The following NPHP3 variants were observed in gnomAD, a reference collection of about 807,000 sequenced individuals.
NPHP3 encodes the protein nephrocystin-3.
Under a neutral mutation model 171.9 loss-of-function variants are expected in NPHP3, and 123 were observed. The ratio of observed to expected loss-of-function variants is 0.72; its 90% CI spans 0.62 to 0.83. NPHP3 has a LOEUF of 0.83. NPHP3 is among the 40% of genes least tolerant of loss of function. NPHP3 has a pLI of 0.00. For synonymous variants in NPHP3, 558 were observed against 579.2 expected, an observed-to-expected ratio of 0.96 and a Z score of 0.52; for missense variants, 1,506 against 1,591.9, an observed-to-expected ratio of 0.95 and a Z score of 0.92.
In NPHP3 at chr3:132,690,625, C is replaced by CA. The variant is rs1299274780; in HGVS notation, c.2595dup (p.Ala866CysfsTer3). On this transcript the variant is annotated frameshift_variant, in exon 19 of 27. Coordinates refer to ENST00000337331, the MANE Select transcript of NPHP3 (RefSeq NM_153240.5). LOFTEE classifies it high-confidence loss of function. ...TGAAAAAGCCACGGGAGTTCATCTG[C>CA]ACTTCTCCAAGTCACTCTGTCCTGA... 1 of 1,613,664 alleles carries CA rather than the reference C, an allele frequency of 6.2e-7. No homozygotes were observed. The highest frequency in any genetic ancestry group is 8.5e-7 in the Non-Finnish European group (1 of 1,179,772).
Position 132,722,276 on chromosome 3 carries a change from G to A in NPHP3, c.80C>T (p.Ala27Val). ...CTTCACCTCCACCGGGATCTCGCAG[G>A]CCTCGCCGCCGCCCGCCCCGTACGT... ...EDTYGAGGGE[A>V]CEIPVEVKPK... Residue 27 changes from alanine (A) to valine (V), a missense_variant, in exon 1 of 27, where the codon GCC (alanine) becomes GTC (valine). Physicochemically the swap from Ala to Val is moderately conservative, Grantham distance 64. Transcript: ENST00000337331. The A allele has an allele frequency of 6.3e-6, 10 of 1,577,916 alleles. No homozygotes were observed. The highest frequency in any genetic ancestry group is 7.7e-6 in the Non-Finnish European group (9 of 1,171,104).
rs200961643 is a variant in NPHP3 at position 132,682,251 on chromosome 3, T to TA, written c.3813-162_3813-161insT. The TA allele has an allele frequency of 4.7e-4, 306 of 651,644 alleles. 1 individual carries two copies. Among genetic ancestry groups the TA allele is most frequent in the African/African-American group, 4.0e-3 (221 of 54,966 alleles). The allele number at this position is 651,644 out of a possible 1,614,324, so 40.4% of individuals were successfully genotyped here. A position where few individuals can be genotyped will look rare whatever the true frequency, so the allele number is the denominator to read the frequency against. On this transcript the variant is annotated intron_variant, in intron 26 of 26. Transcript: ENST00000337331. The stretch of plus-strand genomic sequence containing the variant: ...CAGACCAGTAAAACAACACCCAAAC[T>TA]CTTCTCCTTTCTACCAGTATCAGTA...
chr3:132,686,349 TA>T lies in NPHP3; in HGVS notation c.3239del (p.Leu1080Ter). On this transcript the variant is annotated frameshift_variant, in exon 23 of 27. Transcript: ENST00000337331. LOFTEE classifies it high-confidence loss of function. Reference sequence around the variant, plus strand: ...TGTCCTTACCTAATGTAAGCTCTTCTAACTGTAAAGCCCGTCTACGTAAAAG... The same window carrying T: ...TGTCCTTACCTAATGTAAGCTCTTCTACTGTAAAGCCCGTCTACGTAAAAG... ...FALLRRRALQ[L>X]EELTLGKDTP... The T allele has an allele frequency of 1.2e-6, 2 of 1,614,128 alleles. No individual in the cohort carries two copies. The highest frequency in any genetic ancestry group is 1.7e-6 in the Non-Finnish European group (2 of 1,179,976).
rs1195360790 is a variant in NPHP3, at chr3:132,690,639, A to T, written c.2582T>A (p.Val861Glu). The T allele has an allele frequency of 6.2e-7, 1 of 1,613,796 alleles. No homozygotes were observed. Among genetic ancestry groups the T allele is most frequent in the Admixed American group, 1.7e-5 (1 of 60,010 alleles). The change falls in exon 19 of 27, where the codon GTG becomes GAG. Residue 861 changes from valine to glutamate, a missense_variant. By Grantham distance (121) the Val-to-Glu change is moderately radical. Around this residue, in one of 3 missense-constraint regions of NPHP3, gnomAD observed 569 missense variants for 648.1 expected, o/e 0.88. Coordinates refer to ENST00000337331, the MANE Select transcript of NPHP3 (RefSeq NM_153240.5). ...GAGTTCATCTGCACTTCTCCAAGTC[A>T]CTCTGTCCTGACTATCAAAAGAGAG... is the stretch of plus-strand genomic sequence containing the variant. ...YFTLQLSQDR[V>E]TWRSADELPW...
At chr3:132,701,578 T>A in intron 9 of NPHP3, 45 bp from the exon 10 acceptor site, 1 of 1,177,350 alleles carries the variant, frequency 8.5e-7, no homozygotes, top group Non-Finnish European at 1.3e-6. Flanking sequence ...CACATGCCTC[T>A]GAGACTACTG....
rs113281144 is a variant in NPHP3, at chr3:132,689,328, C to T, written c.2694-65G>A. 470 of 1,526,990 alleles carry T rather than the reference C, an allele frequency of 3.1e-4. 4 individuals are homozygous for T. In the African/African-American group the frequency reaches 4.7e-3, roughly 15 times the overall value. 94.6% of individuals were successfully genotyped at this position (1,526,990 alleles called of 1,614,324 possible). A position where few individuals can be genotyped will look rare whatever the true frequency, so the allele number is the denominator to read the frequency against. On this transcript the variant is annotated intron_variant, in intron 19 of 26. Coordinates refer to ENST00000337331, the MANE Select transcript of NPHP3 (RefSeq NM_153240.5). ...TTTAAAATCCATTACAGAATCAAAA[C>T]TCCAGAATTAATATCAAGTTATTGA...
At position 132,689,176 on chromosome 3, in the gene NPHP3, C is replaced by T. The variant is rs781641225; in HGVS notation, c.2781G>A (p.Lys927=). ...AMATEYFDSL[K]QYEKNCEGED... is the part of the protein sequence containing the mutation. ...CGCCTTCGCAGTTTTTCTCATACTG[C>T]TTCAATGAATCGAAGTATTCTGTTG... The change falls in exon 20 of 27, where the codon AAG becomes AAA. Residue 927 remains lysine, a synonymous_variant. Coordinates refer to ENST00000337331, the MANE Select transcript of NPHP3 (RefSeq NM_153240.5). 2 of 1,614,010 alleles carry T rather than the reference C, an allele frequency of 1.2e-6. No individual in the cohort carries two copies. Among genetic ancestry groups the T allele is most frequent in the African/African-American group, 2.7e-5 (2 of 74,916 alleles).
At chr3:132,719,499 C>G (rs572468613) in intron 2 of NPHP3, among the ~76,000 whole-genome samples, 1 of 152,150 alleles carries the variant, frequency 6.6e-6, no homozygotes, top group Non-Finnish European at 1.5e-5. Context: ...TTAAAATGTT[C>G]ACTTTCATAC....
chr3:132,701,621 C>T (rs772922231), intron 9 of NPHP3, 88 bp from the exon 10 acceptor site: 7 of 866,378 alleles, frequency 8.1e-6, no homozygotes, highest in East Asian at 5.1e-5. Flanking sequence ...TTTGAAAATA[C>T]TGGAGAAAAG....
At chr3:132,698,228 C>T (rs1939507795) in intron 13 of NPHP3, among the ~76,000 whole-genome samples, 1 of 152,082 alleles carries the variant, frequency 6.6e-6, no homozygotes, top group Non-Finnish European at 1.5e-5. Context: ...ATCCACCCGC[C>T]TCGGCCTCCC....
In NPHP3 at chr3:132,692,760, A is replaced by G. The variant is rs398124546; in HGVS notation, c.2369T>C (p.Leu790Pro). The G allele has an allele frequency of 3.1e-6, 5 of 1,614,024 alleles. No individual in the cohort carries two copies. The East Asian group carries it at 1.1e-4, about 36-fold the overall frequency. ...GAAAGTCCAGGACATCTCAGGATAGAGTTCCATCAGTTCTGATTCACTCAC... is the reference window on the plus strand; with the variant it reads ...GAAAGTCCAGGACATCTCAGGATAGGGTTCCATCAGTTCTGATTCACTCAC... ...NGVSESELME[L>P]YPEMSWTFLT... The change falls in exon 17 of 27, where the codon CTC becomes CCC. Residue 790 changes from leucine (L) to proline (P), a missense_variant. Physicochemically the swap from Leu to Pro is moderately conservative, Grantham distance 98 (BLOSUM62 -3). Around this residue, in one of 3 missense-constraint regions of NPHP3, gnomAD observed 569 missense variants for 648.1 expected, o/e 0.88. Coordinates refer to ENST00000337331, the MANE Select transcript of NPHP3 (RefSeq NM_153240.5).
intron 16 of NPHP3, chr3:132,693,026 C>T (rs1359265293): frequency 3.7e-6 from 2 of 547,304 alleles, no homozygotes; most frequent in Non-Finnish European, 6.4e-6. Context: ...TAAAATCTAG[C>T]ACACCAAAGA....
chr3:132,684,503 T>C (rs1939106023), intron 24 of NPHP3, 51 bp downstream of exon 24: 4 of 1,602,534 alleles, frequency 2.5e-6, no homozygotes, highest in South Asian at 1.1e-5. Flanking sequence ...ATAGTAGTTA[T>C]GGCTTAACTG....
At chr3:132,685,129 T>G (rs1478412845) in intron 23 of NPHP3, 2 of 296,334 alleles carry the variant, frequency 6.7e-6, no homozygotes, top group South Asian at 3.5e-5. Flanking sequence ...CTTCCTCCCT[T>G]TGGAGTTAGT....
intron 17 of NPHP3, among the ~76,000 whole-genome samples, chr3:132,692,281 A>G (rs571725023): frequency 2.9e-4 from 44 of 152,332 alleles, no homozygotes; most frequent in Middle Eastern, 3.4e-3. Context: ...GTTTCTCAGA[A>G]CATATCCCCA....
chr3:132,700,076 C>T lies in NPHP3; in HGVS notation c.1744-15G>A. On this transcript the variant is annotated splice_polypyrimidine_tract_variant and intron_variant, in intron 11 of 26. Coordinates refer to ENST00000337331, the MANE Select transcript of NPHP3 (RefSeq NM_153240.5). ...TGCTGCATCAACTACAAGATAAGAA[C>T]ACACACAAACTGAAGTAGTTACACG... 1 of 1,613,670 alleles carries T rather than the reference C, an allele frequency of 6.2e-7. No individual in the cohort carries two copies. Among genetic ancestry groups the T allele is most frequent in the African/African-American group, 1.3e-5 (1 of 75,018 alleles).
rs763361711 is a variant in NPHP3, at chr3:132,692,706, T to G, written c.2423A>C (p.Lys808Thr). ...ACATCCATAAGTCAACAAACACATTTTGTATAAACTGTGAATAAGGGAGGT... is the reference window on the plus strand; with the variant it reads ...ACATCCATAAGTCAACAAACACATTGTGTATAAACTGTGAATAAGGGAGGT... Reference protein sequence around the residue: ...FLTSLIHSLYKMCLLTYGCGL... With the variant: ...FLTSLIHSLYTMCLLTYGCGL... Residue 808 changes from lysine to threonine, a missense_variant, in exon 17 of 27, where the codon AAA becomes ACA. Transcript: ENST00000337331. The G allele has an allele frequency of 2.6e-5, 42 of 1,613,984 alleles. No individual in the cohort carries two copies. Among genetic ancestry groups the G allele is most frequent in the Non-Finnish European group, 3.6e-5 (42 of 1,179,984 alleles).
rs1939003722 is a variant in NPHP3 at position 132,680,753 on chromosome 3, T to A, written c.*1157A>T. 1 of 152,234 alleles carries A rather than the reference T, an allele frequency of 6.6e-6. No homozygotes were observed. The highest frequency in any genetic ancestry group is 1.5e-5 in the Non-Finnish European group (1 of 68,008). The allele number at this position is 152,234 out of a possible 1,614,324, so 9.4% of individuals were successfully genotyped here. On this transcript the variant is annotated 3_prime_UTR_variant, in exon 27 of 27. Coordinates refer to ENST00000337331, the MANE Select transcript of NPHP3 (RefSeq NM_153240.5). ...AATACACAAATGGTCCAAAACAATA[T>A]CTAAAATGTTGCAATATTTATAAAA...
intron 26 of NPHP3, 56 bp from the exon 27 acceptor site, chr3:132,682,146 A>C: frequency 6.8e-7 from 1 of 1,478,904 alleles, no homozygotes; most frequent in Admixed American, 1.7e-5. Context: ...TTACCAATTC[A>C]AAATGACCTT....
Sources: allele counts gnomAD v4.1 joint callset (sites outside exome capture counted in the v4.1 genomes callset), GRCh38; gene constraint gnomAD v4.1.1; regional missense constraint gnomAD v4.1.1; transcripts MANE v1.5; gene names NCBI Gene and HGNC (gene_info 2026-07-23, HGNC 2026-07-21).